The following EHHADH variants were observed in gnomAD, a reference collection of about 807,000 sequenced individuals.
EHHADH encodes the protein peroxisomal bifunctional enzyme.
EHHADH carries 48 observed loss-of-function variants against 64.4 expected under a neutral mutation model. The ratio of observed to expected loss-of-function variants is 0.75; its 90% CI spans 0.59 to 0.95. The LOEUF is 0.95. Ranked by LOEUF, EHHADH falls within the 40% of genes least tolerant of loss-of-function variation. EHHADH has a pLI of 0.00. For synonymous variants in EHHADH, 308 were observed against 326.7 expected (o/e 0.94, Z 0.62); for missense variants, 854 against 876.6 (o/e 0.97, Z 0.33).
rs762656795 is a variant in EHHADH at position 185,204,653 on chromosome 3, G to C, written c.673C>G (p.Pro225Ala). Residue 225 changes from proline (P) to alanine (A), a missense_variant, in exon 6 of 7, where the codon CCT becomes GCT. Transcript: ENST00000231887. Reference protein sequence around the residue: ...EALLKMRRQHPGCLAQEACVR... With the variant: ...EALLKMRRQHAGCLAQEACVR... ...CAAGCCTCCTGTGCAAGACACCCAG[G>C]GTGCTGCCTCCGCATCTTCAAGAGG... is the stretch of plus-strand genomic sequence containing the variant. The C allele has an allele frequency of 1.7e-5, 27 of 1,614,080 alleles. No homozygotes were observed. The highest frequency in any genetic ancestry group is 2.2e-5 in the Non-Finnish European group (26 of 1,180,040).
intron 5 of EHHADH, among the ~76,000 whole-genome samples, chr3:185,205,723 G>C (rs1386548548): frequency 6.6e-6 from 1 of 152,156 alleles, no homozygotes; most frequent in African/African-American, 2.4e-5. Context: ...CCAACCTACT[G>C]TTTGAGGAGC....
intron 4 of EHHADH, among the ~76,000 whole-genome samples, chr3:185,221,303 T>C (rs1046720314): frequency 3.9e-5 from 6 of 152,196 alleles, no homozygotes; most frequent in Admixed American, 3.9e-4. Flanking sequence ...TTTTGCACAA[T>C]AAATTGTCTC....
intron 5 of EHHADH, among the ~76,000 whole-genome samples, chr3:185,215,014 C>T (rs1044345912): frequency 2.0e-5 from 3 of 152,158 alleles, no homozygotes; most frequent in African/African-American, 7.2e-5. Flanking sequence ...GGATGTATTA[C>T]AAGCATTCTA....
intron 5 of EHHADH, among the ~76,000 whole-genome samples, chr3:185,210,453 G>A (rs914999723): frequency 1.3e-5 from 2 of 151,924 alleles, no homozygotes; most frequent in Non-Finnish European, 2.9e-5. Flanking sequence ...AGCCAAGATA[G>A]TGAAACCCCG....
intron 4 of EHHADH, among the ~76,000 whole-genome samples, chr3:185,226,192 G>A (rs1236352648): frequency 5.3e-5 from 8 of 152,274 alleles, no homozygotes; most frequent in Non-Finnish European, 8.8e-5. Flanking sequence ...TGACTCTAAC[G>A]GTAGGTCATA....
At chr3:185,214,102 A>G (rs774617768) in intron 5 of EHHADH, among the ~76,000 whole-genome samples, 18 of 152,168 alleles carry the variant, frequency 1.2e-4, no homozygotes, top group Non-Finnish European at 1.9e-4. Flanking sequence ...GCGTTTGTCT[A>G]TTACAAAGCA....
At chr3:185,206,236 T>C (rs1286947157) in intron 5 of EHHADH, among the ~76,000 whole-genome samples, 1 of 151,284 alleles carries the variant, frequency 6.6e-6, no homozygotes, top group Non-Finnish European at 1.5e-5. Flanking sequence ...GGAGAATCTT[T>C]CAACAAATCG....
At chr3:185,249,301 T>C (rs1719681463) in intron 1 of EHHADH, among the ~76,000 whole-genome samples, 1 of 152,180 alleles carries the variant, frequency 6.6e-6, no homozygotes, top group East Asian at 1.9e-4. Flanking sequence ...GCTAATTTTT[T>C]GTATTTTTAG....
chr3:185,196,280 A>T (rs1228904050), intron 6 of EHHADH, among the ~76,000 whole-genome samples: 1 of 152,252 alleles, frequency 6.6e-6, no homozygotes, highest in Non-Finnish European at 1.5e-5. Flanking sequence ...TATACAATAA[A>T]AATAAATTTC....
chr3:185,210,122 T>G (rs1185968397), intron 5 of EHHADH, among the ~76,000 whole-genome samples: 3 of 152,164 alleles, frequency 2.0e-5, no homozygotes, highest in Admixed American at 6.5e-5. Flanking sequence ...GGGCTGCCGG[T>G]GCAATCTATG....
intron 5 of EHHADH, 82 bp from the exon 6 acceptor site, chr3:185,204,839 T>C (rs1718343607): frequency 2.5e-6 from 3 of 1,197,610 alleles, no homozygotes; most frequent in South Asian, 3.1e-5. Flanking sequence ...AACAATAACC[T>C]GTTCAAATTC....
At chr3:185,228,257 A>AATATATATATATATAT (rs1235531098) in intron 4 of EHHADH, among the ~76,000 whole-genome samples, 30 of 21,996 alleles carry the variant, frequency 1.4e-3, no homozygotes, top group African/African-American at 3.5e-3. Context: ...AAAAAAAAAA[A>AATATATATATATATAT]ATATATATAT....
chr3:185,253,410 G>A (rs1719801594), intron 1 of EHHADH: 3 of 112,670 alleles, frequency 2.7e-5, no homozygotes. Context: ...TGCACACTGG[G>A]ACCTGTTGTG....
intron 6 of EHHADH, 70 bp from the exon 7 acceptor site, chr3:185,193,557 A>C: frequency 2.6e-6 from 4 of 1,532,744 alleles, no homozygotes; most frequent in Non-Finnish European, 3.5e-6. Flanking sequence ...TATTCACTGG[A>C]TGGAAGGCTT....
intron 4 of EHHADH, among the ~76,000 whole-genome samples, 153 bp from the exon 5 acceptor site, chr3:185,218,393 T>C (rs1718747658): frequency 6.6e-6 from 1 of 151,896 alleles, no homozygotes; most frequent in Non-Finnish European, 1.5e-5. Flanking sequence ...ACTGAAAGAA[T>C]AGAAAGATCA....
chr3:185,253,236 T>TAA (rs879065101), intron 1 of EHHADH: 2 of 93,874 alleles, frequency 2.1e-5, no homozygotes, highest in Middle Eastern at 7.7e-4. Flanking sequence ...CTTTTAACAT[T>TAA]AAAAAAAAAA....
chr3:185,242,971 A>G (rs1379650391), intron 2 of EHHADH, among the ~76,000 whole-genome samples: 2 of 152,164 alleles, frequency 1.3e-5, no homozygotes, highest in East Asian at 3.9e-4. Context: ...CACCCTCTCG[A>G]AGGATCTCTG....
Position 185,253,962 on chromosome 3 carries a change from C to T in EHHADH, c.61G>A (p.Val21Ile). 1.2e-6 allele frequency: 2 copies of T among 1,614,056 alleles called. No homozygotes were observed. Among genetic ancestry groups the T allele is most frequent in the Non-Finnish European group, 8.5e-7 (1 of 1,179,956 alleles). The change falls in exon 1 of 7, where the codon GTC becomes ATC. Residue 21 changes from valine to isoleucine, a missense_variant. By Grantham distance (29) the Val-to-Ile change is conservative. Transcript: ENST00000231887. The stretch of plus-strand genomic sequence containing the variant: ...CGAGCCCGTTACCTGATCGCGTTGA[C>T]CGGCGGGTTTCGGAGGCGGATTAGC... ...LALIRLRNPP[V>I]NAISTTLLRD...
At chr3:185,214,881 C>A (rs1718641432) in intron 5 of EHHADH, among the ~76,000 whole-genome samples, 1 of 152,088 alleles carries the variant, frequency 6.6e-6, no homozygotes, top group South Asian at 2.1e-4. Context: ...TTACTGTATA[C>A]AAATCTTTGT....
Sources: gnomAD v4.1 joint callset for allele counts (sites outside exome capture counted in the v4.1 genomes callset) on GRCh38, gnomAD v4.1.1 for gene constraint, MANE v1.5 for transcripts, NCBI Gene and HGNC (gene_info 2026-07-23, HGNC 2026-07-21) for gene names.